CADM1: variants seen among roughly 807,000 people sequenced by gnomAD.
CADM1 encodes the protein cell adhesion molecule 1.
Under a neutral mutation model 53.1 loss-of-function variants are expected in CADM1, and 15 were observed. That is an observed-to-expected ratio of 0.28 (90% CI 0.19 to 0.44). The LOEUF (loss-of-function observed/expected upper bound fraction) is 0.44, where lower values mean the gene tolerates loss of function less well. Ranked by LOEUF, CADM1 falls within the 20% of genes least tolerant of loss-of-function variation. The pLI is 1.00. For synonymous variants in CADM1, 281 were observed against 243.0 expected (o/e 1.16, Z -1.45); for missense variants, 434 against 611.3 (o/e 0.71, Z 3.06).
At chr11:115,448,261 A>C (rs1457086920) in intron 1 of CADM1, among the ~76,000 whole-genome samples, 1 of 152,198 alleles carries the variant, frequency 6.6e-6, no homozygotes, top group Non-Finnish European at 1.5e-5. Flanking sequence ...TTTGACTATC[A>C]AAATTCCTAT....
At chr11:115,319,298 C>T (rs973461094) in intron 1 of CADM1, among the ~76,000 whole-genome samples, 1 of 152,062 alleles carries the variant, frequency 6.6e-6, no homozygotes, top group Non-Finnish European at 1.5e-5. Context: ...TTTCCTGCTG[C>T]CTAACAGGCA....
intron 1 of CADM1, among the ~76,000 whole-genome samples, chr11:115,350,883 T>C (rs12575143): frequency 0.023 from 3,418 of 151,592 alleles, 101 homozygotes; most frequent in East Asian, 0.14. Context: ...ATGGATTAGC[T>C]TAAGGCAATT....
chr11:115,431,609 T>C (rs944471040), intron 1 of CADM1, among the ~76,000 whole-genome samples: 1 of 152,180 alleles, frequency 6.6e-6, no homozygotes, highest in African/African-American at 2.4e-5. Flanking sequence ...TTAAGCAGTC[T>C]GAACCTTCCT....
intron 1 of CADM1, among the ~76,000 whole-genome samples, chr11:115,379,244 T>C (rs1946516783): frequency 6.6e-6 from 1 of 152,224 alleles, no homozygotes; most frequent in African/African-American, 2.4e-5. Context: ...ATTATCTGGC[T>C]TTGCCAATCT....
intron 1 of CADM1, among the ~76,000 whole-genome samples, chr11:115,464,806 T>C (rs188161760): frequency 6.6e-6 from 1 of 152,348 alleles, no homozygotes; most frequent in Admixed American, 6.5e-5. Context: ...TTATATGTAA[T>C]ACAGCCAGAA....
At chr11:115,424,564 G>A (rs1050383749) in intron 1 of CADM1, among the ~76,000 whole-genome samples, 1 of 152,048 alleles carries the variant, frequency 6.6e-6, no homozygotes, top group Non-Finnish European at 1.5e-5. Context: ...GTCTCGCACT[G>A]TCTCCCAGGC....
At chr11:115,288,762 C>T (rs1943798415) in intron 1 of CADM1, among the ~76,000 whole-genome samples, 1 of 152,178 alleles carries the variant, frequency 6.6e-6, no homozygotes, top group Non-Finnish European at 1.5e-5. Flanking sequence ...ATTGTATTTA[C>T]TTCACTGCAA....
chr11:115,477,560 A>G (rs1565446725), intron 1 of CADM1, among the ~76,000 whole-genome samples: 1 of 152,206 alleles, frequency 6.6e-6, no homozygotes, highest in African/African-American at 2.4e-5. Flanking sequence ...GCTTTCTCCT[A>G]ACAGATATCA....
At chr11:115,419,270 C>A (rs1947693608) in intron 1 of CADM1, among the ~76,000 whole-genome samples, 1 of 152,094 alleles carries the variant, frequency 6.6e-6, no homozygotes, top group African/African-American at 2.4e-5. Context: ...ATAGACTGCC[C>A]CTTTGTTTGG....
intron 1 of CADM1, among the ~76,000 whole-genome samples, chr11:115,337,081 G>C (rs1945286201): frequency 6.6e-6 from 1 of 152,152 alleles, no homozygotes; most frequent in South Asian, 2.1e-4. Context: ...AATACAACTA[G>C]TAAGTAGCTA....
intron 8 of CADM1, 49 bp from the exon 9 acceptor site, chr11:115,198,487 G>A (rs560077018): frequency 3.7e-5 from 56 of 1,524,034 alleles, no homozygotes; most frequent in African/African-American, 5.5e-5. Context: ...CAGGAGGAAC[G>A]GCATGCAAAA....
At chr11:115,455,126 CTTT>C (rs1266455812) in intron 1 of CADM1, among the ~76,000 whole-genome samples, 1 of 152,118 alleles carries the variant, frequency 6.6e-6, no homozygotes, top group Non-Finnish European at 1.5e-5. Flanking sequence ...ACATTCTTTT[CTTT>C]TTTCAGATTC....
intron 1 of CADM1, among the ~76,000 whole-genome samples, chr11:115,424,037 T>C (rs1947826237): frequency 6.6e-6 from 1 of 152,222 alleles, no homozygotes; most frequent in Admixed American, 6.5e-5. Flanking sequence ...TACCAGGGGA[T>C]GGTTCCCCTT....
chr11:115,196,179 C>A (rs964462454), intron 9 of CADM1, among the ~76,000 whole-genome samples: 1 of 152,130 alleles, frequency 6.6e-6, no homozygotes, highest in Non-Finnish European at 1.5e-5. Context: ...TATAAAGTCC[C>A]ATTCCAAGTG....
intron 1 of CADM1, among the ~76,000 whole-genome samples, chr11:115,434,779 C>A (rs1025330707): frequency 6.6e-6 from 1 of 151,972 alleles, no homozygotes; most frequent in Non-Finnish European, 1.5e-5. Context: ...ATGAACTATA[C>A]TCTCTGTAGG....
chr11:115,367,774 A>T (rs1375452118), intron 1 of CADM1, among the ~76,000 whole-genome samples: 1 of 152,104 alleles, frequency 6.6e-6, no homozygotes, highest in East Asian at 1.9e-4. Flanking sequence ...TCTTAGAAAA[A>T]AAAACAGTAA....
intron 1 of CADM1, among the ~76,000 whole-genome samples, chr11:115,456,174 T>A (rs545326956): frequency 6.6e-6 from 1 of 152,140 alleles, no homozygotes; most frequent in African/African-American, 2.4e-5. Flanking sequence ...CACCCAAAGA[T>A]GCATTATTGC....
chr11:115,214,522 C>A, intron 7 of CADM1, 86 bp downstream of exon 7: 2 of 1,396,030 alleles, frequency 1.4e-6, no homozygotes, highest in Admixed American at 1.7e-5. Context: ...TGATTTTCAA[C>A]TTGACCAAAA....
chr11:115,200,027 C>T (rs1220030413), intron 8 of CADM1, among the ~76,000 whole-genome samples: 2 of 152,178 alleles, frequency 1.3e-5, no homozygotes, highest in Non-Finnish European at 2.9e-5. Flanking sequence ...CTTCAGTTGG[C>T]ATGCTTTCCA....
Sources: allele counts gnomAD v4.1 joint callset (sites outside exome capture counted in the v4.1 genomes callset), GRCh38; gene constraint gnomAD v4.1.1; transcripts MANE v1.5; gene names NCBI Gene and HGNC (gene_info 2026-07-23, HGNC 2026-07-21).